COL5A2: variants seen among roughly 807,000 people sequenced by gnomAD.
COL5A2 encodes the protein collagen type V alpha 2 chain, also known as collagen alpha-2(V) chain.
Under a neutral mutation model 208.2 loss-of-function variants are expected in COL5A2, and 23 were observed. The observed-to-expected ratio is 0.11, with a 90% confidence interval of 0.08 to 0.16. The LOEUF is 0.16. Ranked by LOEUF, COL5A2 falls within the 10% of genes least tolerant of loss-of-function variation. COL5A2 has a pLI of 1.00. For missense variants in COL5A2, 1,590 were observed against 1,956.4 expected (o/e 0.81, Z 3.53); for synonymous variants, 625 against 628.5 (o/e 0.99, Z 0.08).
At chr2:189,167,944 AT>A (rs71020985) in intron 1 of COL5A2, among the ~76,000 whole-genome samples, 25 of 139,900 alleles carry the variant, frequency 1.8e-4, no homozygotes, top group African/African-American at 1.8e-4. Context: ...ACAAACTCCT[AT>A]TTTTTTTTTT....
At chr2:189,067,809 TA>T (rs1686185424) in intron 21 of COL5A2, among the ~76,000 whole-genome samples, 1 of 152,186 alleles carries the variant, frequency 6.6e-6, no homozygotes, top group African/African-American at 2.4e-5. Flanking sequence ...CACTAAAATT[TA>T]ACATACTGCA....
At chr2:189,228,308 C>T (rs970345725), upstream of COL5A2, among the ~76,000 whole-genome samples, 1 of 151,124 alleles carries the variant, frequency 6.6e-6, no homozygotes, top group African/African-American at 2.4e-5. Context: ...AATAATAAAA[C>T]TTAGAGAGGA....
the COL5A2 span, among the ~76,000 whole-genome samples, chr2:189,232,445 T>C: frequency 2.0e-5 from 3 of 151,760 alleles, no homozygotes; most frequent in Non-Finnish European, 2.9e-5. Context: ...CACTGTATGA[T>C]ATAAAAGTCA....
chr2:189,384,666 G>A, the COL5A2 span, among the ~76,000 whole-genome samples: 1 of 152,100 alleles, frequency 6.6e-6, no homozygotes, highest in Non-Finnish European at 1.5e-5. Flanking sequence ...CAGAGGGATA[G>A]TTTGCAAATA....
chr2:189,134,222 C>G (rs1167864728), intron 1 of COL5A2, among the ~76,000 whole-genome samples: 1 of 152,098 alleles, frequency 6.6e-6, no homozygotes, highest in Non-Finnish European at 1.5e-5. Context: ...ATAATCTAAG[C>G]CTGAAAATTC....
At chr2:189,248,601 A>ATATATTG in the COL5A2 span, among the ~76,000 whole-genome samples, 1 of 152,188 alleles carries the variant, frequency 6.6e-6, no homozygotes, top group East Asian at 1.9e-4. Flanking sequence ...CATAGATACA[A>ATATATTG]TATATTGAAG....
intron 29 of COL5A2, 150 bp downstream of exon 29, chr2:189,062,713 CAA>C (rs1686060659): frequency 3.6e-6 from 3 of 824,016 alleles, no homozygotes; most frequent in Non-Finnish European, 6.0e-6. Flanking sequence ...TCACAGAAAT[CAA>C]AAGAGAAGGT....
intron 12 of COL5A2, 54 bp from the exon 13 acceptor site, chr2:189,081,097 T>C: frequency 7.0e-7 from 1 of 1,425,948 alleles, no homozygotes; most frequent in Non-Finnish European, 9.9e-7. Flanking sequence ...GGATGCAAAA[T>C]TCCTTAATAT....
chr2:189,420,798 G>C, the COL5A2 span, among the ~76,000 whole-genome samples: 1 of 151,948 alleles, frequency 6.6e-6, no homozygotes, highest in Non-Finnish European at 1.5e-5. Context: ...ACTTTTTACA[G>C]TCTGTTTCCA....
In COL5A2 at chr2:189,032,963, G is replaced by A. The variant is rs1406643742; in HGVS notation, c.*1107C>T. 4 of 152,580 alleles carry A rather than the reference G, an allele frequency of 2.6e-5. No homozygotes were observed. The highest frequency in any genetic ancestry group is 4.4e-5 in the Non-Finnish European group (3 of 68,004). 9.5% of individuals were successfully genotyped at this position (152,580 alleles called of 1,614,324 possible). A position where few individuals can be genotyped will look rare whatever the true frequency, so the allele number is the denominator to read the frequency against. ...AATAACAGAAGCATAGCACCTTTCA[G>A]TATCTAAAATATAAACAAGAATAGT... On this transcript the variant is annotated 3_prime_UTR_variant, in exon 54 of 54. Coordinates refer to ENST00000374866, the MANE Select transcript of COL5A2 (RefSeq NM_000393.5).
intron 46 of COL5A2, 108 bp from the exon 47 acceptor site, chr2:189,045,340 ATGTGTG>A (rs111268949): frequency 1.9e-4 from 113 of 582,202 alleles, no homozygotes; most frequent in African/African-American, 1.2e-3. Context: ...ATATATATAT[ATGTGTG>A]TGTGTGTGTG....
rs961582808 is a variant in COL5A2, at chr2:189,107,271, T to C, written c.322+2954A>G. Among the ~76,000 whole-genome samples the C allele has an allele frequency of 1.7e-4, 26 of 151,680 alleles. 1 individual carries two copies. Among genetic ancestry groups the C allele is most frequent in the Middle Eastern group, 6.8e-3 (2 of 294 alleles). On this transcript the variant is annotated intron_variant, in intron 2 of 53. Transcript: ENST00000374866. ...TTCTAAGAAAATCCATGTTCTAAGA[T>C]TTTCTGTTTCTACCAGAGCTAGTCT...
chr2:189,223,145 C>T (rs1004546566), intron 1 of COL5A2, among the ~76,000 whole-genome samples: 1 of 152,088 alleles, frequency 6.6e-6, no homozygotes, highest in Admixed American at 6.6e-5. Context: ...GTTCATTAGG[C>T]AATAAATTTC....
chr2:189,359,336 G>T, the COL5A2 span, among the ~76,000 whole-genome samples: 2 of 152,026 alleles, frequency 1.3e-5, no homozygotes, highest in Non-Finnish European at 2.9e-5. Context: ...ATGATTGTTT[G>T]ATTTTTGTCC....
chr2:189,077,594 A>G (rs1686436848), intron 16 of COL5A2, among the ~76,000 whole-genome samples: 1 of 152,204 alleles, frequency 6.6e-6, no homozygotes, highest in African/African-American at 2.4e-5. Context: ...TTGATAGACG[A>G]TGTTAGCCTA....
At chr2:189,066,702 C>A in intron 22 of COL5A2, 27 bp downstream of exon 22, 1 of 1,584,034 alleles carries the variant, frequency 6.3e-7, no homozygotes, top group Non-Finnish European at 8.7e-7. Context: ...CTATGTTCTA[C>A]TTATCATTAA....
At chr2:189,324,768 A>G in the COL5A2 span, among the ~76,000 whole-genome samples, 2 of 152,242 alleles carry the variant, frequency 1.3e-5, no homozygotes, top group Non-Finnish European at 2.9e-5. Flanking sequence ...GTGATTCCTC[A>G]GGGATCTAGA....
intron 1 of COL5A2, among the ~76,000 whole-genome samples, chr2:189,157,344 A>G (rs1688274837): frequency 6.6e-6 from 1 of 151,916 alleles, no homozygotes; most frequent in Non-Finnish European, 1.5e-5. Flanking sequence ...AGTTTAACCC[A>G]AAACAAAGTT....
chr2:189,045,338 A>ATATG, intron 46 of COL5A2, 106 bp from the exon 47 acceptor site: 2 of 707,098 alleles, frequency 2.8e-6, no homozygotes, highest in Non-Finnish European at 5.0e-6. Flanking sequence ...GCATATATAT[A>ATATG]TATGTGTGTG....
Sources: allele counts gnomAD v4.1 joint callset (sites outside exome capture counted in the v4.1 genomes callset), GRCh38; gene constraint gnomAD v4.1.1; transcripts MANE v1.5; gene names NCBI Gene and HGNC (gene_info 2026-07-23, HGNC 2026-07-21).